Variants in SMAD2 observed in about 807,000 individuals in gnomAD.
The protein encoded by SMAD2 is MAD homolog 2.
SMAD2 carries 8 observed loss-of-function variants against 64.4 expected under a neutral mutation model. The observed-to-expected ratio is 0.12, with a 90% CI of 0.07 to 0.22. The LOEUF (loss-of-function observed/expected upper bound fraction) is 0.22. Among genes scored for constraint, SMAD2 ranks in the 10% least tolerant of loss-of-function variants. SMAD2 has a pLI of 1.00. For synonymous variants in SMAD2, 203 were observed against 195.8 expected, an observed-to-expected ratio of 1.04 and a Z score of -0.31; for missense variants, 289 against 561.2, an observed-to-expected ratio of 0.51 and a Z score of 4.90.
intron 2 of SMAD2, among the ~76,000 whole-genome samples, chr18:47,870,945 T>C (rs1317159793): frequency 6.6e-6 from 1 of 152,216 alleles, no homozygotes; most frequent in Non-Finnish European, 1.5e-5. Flanking sequence ...TAAAAACAGA[T>C]GTCAACTGAT....
At chr18:47,917,153 A>C (rs2034371370) in intron 1 of SMAD2, among the ~76,000 whole-genome samples, 1 of 152,152 alleles carries the variant, frequency 6.6e-6, no homozygotes. Context: ...ATCTTCTGTA[A>C]TTGTTGGGTG....
intron 6 of SMAD2, among the ~76,000 whole-genome samples, chr18:47,855,198 T>C (rs1246586597): frequency 6.6e-6 from 1 of 152,200 alleles, no homozygotes; most frequent in Non-Finnish European, 1.5e-5. Flanking sequence ...CGAAATGACA[T>C]TATTACTTGA....
rs147046715 is a variant in SMAD2 at position 47,882,166 on chromosome 18, A to G, written c.237-11602T>C. Reference sequence around the variant, plus strand: ...CTCCCAAAGTGCTGGGATTAGAGGCATAAGCCATCGCATCTGACCTGATTA... The same window carrying G: ...CTCCCAAAGTGCTGGGATTAGAGGCGTAAGCCATCGCATCTGACCTGATTA... On this transcript the variant is annotated intron_variant, in intron 2 of 10. Coordinates refer to ENST00000262160, the MANE Select transcript of SMAD2 (RefSeq NM_005901.6). Among the ~76,000 whole-genome samples, 217 of 149,302 alleles carry G rather than the reference A, an allele frequency of 1.5e-3. 1 individual carries two copies. Among genetic ancestry groups the G allele is most frequent in the African/African-American group, 4.8e-3 (195 of 40,634 alleles).
rs148935094 is a variant in SMAD2, at chr18:47,849,740, G to A, written c.785-1053C>T. Among the ~76,000 whole-genome samples the A allele has an allele frequency of 7.4e-3, 1,120 of 152,080 alleles. 8 individuals are homozygous for A. The highest frequency in any genetic ancestry group is 0.025 in the African/African-American group (1,053 of 41,468). ...TTTAAAATTTGGGCCCAGCACGATG[G>A]CTCACGCCTGTAATCCCAGCACTTT... is the stretch of plus-strand genomic sequence containing the variant. On this transcript the variant is annotated intron_variant, in intron 7 of 10. Coordinates refer to ENST00000262160, the MANE Select transcript of SMAD2 (RefSeq NM_005901.6).
Position 47,829,994 on chromosome 18 carries a change from T to G in SMAD2, c.*11833A>C, listed in dbSNP as rs1446543193. The G allele has an allele frequency of 6.6e-6, 1 of 152,212 alleles. No homozygotes were observed. Among genetic ancestry groups the G allele is most frequent in the African/African-American group, 2.4e-5 (1 of 41,458 alleles). 9.4% of individuals were successfully genotyped at this position (152,212 alleles called of 1,614,324 possible). A position where few individuals can be genotyped will look rare whatever the true frequency, so the allele number is the denominator to read the frequency against. On this transcript the variant is annotated 3_prime_UTR_variant, in exon 11 of 11. Transcript: ENST00000262160. The stretch of plus-strand genomic sequence containing the variant: ...GCAGCAAATTCCCCCACTGACAACT[T>G]CAAAGCATAGCAAGAATCCACAGTG...
intron 5 of SMAD2, 36 bp from the exon 6 acceptor site, chr18:47,865,169 A>C (rs748490058): frequency 9.3e-7 from 1 of 1,079,844 alleles, no homozygotes; most frequent in Non-Finnish European, 1.4e-6. Flanking sequence ...CACAGCTGCA[A>C]CATAATCTCA....
Position 47,809,206 on chromosome 18 carries a change from G to C in SMAD2, c.*32621C>G, listed in dbSNP as rs1231721523. The C allele has an allele frequency of 6.6e-6, 1 of 152,334 alleles. No individual in the cohort carries two copies. Among genetic ancestry groups the C allele is most frequent in the Non-Finnish European group, 1.5e-5 (1 of 68,126 alleles). 9.4% of individuals were successfully genotyped at this position (152,334 alleles called of 1,614,324 possible). On this transcript the variant is annotated 3_prime_UTR_variant, in exon 11 of 11. Transcript: ENST00000262160. Reference sequence around the variant, plus strand: ...GACGTTCTGTGCCGTTACGGAAAGAGGCAGTCCCTGTACTTGGGGGTCAGA... The same window carrying C: ...GACGTTCTGTGCCGTTACGGAAAGACGCAGTCCCTGTACTTGGGGGTCAGA...
rs563275801 is a variant in SMAD2, at chr18:47,921,195, T to C, written c.-54+9166A>G. ...CAGACACCCATACAAAAGAATATTA[T>C]ACAACCCACTACTCCAAAAAAGAAG... On this transcript the variant is annotated intron_variant, in intron 1 of 10. Coordinates refer to ENST00000262160, the MANE Select transcript of SMAD2 (RefSeq NM_005901.6). 2.0e-5 allele frequency among the ~76,000 whole-genome samples: 3 copies of C among 152,158 alleles called. No individual in the cohort carries two copies. In the South Asian group the frequency reaches 6.2e-4, roughly 32 times the overall value.
intron 2 of SMAD2, among the ~76,000 whole-genome samples, chr18:47,881,370 AT>A (rs1436500919): frequency 1.3e-5 from 2 of 152,038 alleles, no homozygotes; most frequent in Admixed American, 1.3e-4. Context: ...CTATTCATGA[AT>A]TTTCTTAACA....
At position 47,835,005 on chromosome 18, in the gene SMAD2, T is replaced by G. The variant is rs2144260529; in HGVS notation, c.*6822A>C. 1 of 221,860 alleles carries G rather than the reference T, an allele frequency of 4.5e-6. No homozygotes were observed. The highest frequency in any genetic ancestry group is 2.2e-5 in the African/African-American group (1 of 44,828). 13.7% of individuals were successfully genotyped at this position (221,860 alleles called of 1,614,324 possible). On this transcript the variant is annotated 3_prime_UTR_variant, in exon 11 of 11. Coordinates refer to ENST00000262160, the MANE Select transcript of SMAD2 (RefSeq NM_005901.6). ...TTGGGAAAAGATGGCGAAAGGAATA[T>G]TCTCAGATATGAACATTTTTTATTC...
intron 2 of SMAD2, among the ~76,000 whole-genome samples, chr18:47,889,889 C>T (rs1238673854): frequency 6.6e-6 from 1 of 151,904 alleles, no homozygotes; most frequent in Non-Finnish European, 1.5e-5. Context: ...ATATGTTAAA[C>T]AGGACAAGAA....
At chr18:47,845,228 C>A in intron 10 of SMAD2, 112 bp downstream of exon 10, 4 of 1,111,434 alleles carry the variant, frequency 3.6e-6, no homozygotes, top group Middle Eastern at 2.0e-4. Flanking sequence ...TAAAGATCAG[C>A]TGACTCTATA....
intron 3 of SMAD2, 152 bp downstream of exon 3, chr18:47,870,323 T>C (rs2031857595): frequency 1.6e-6 from 1 of 623,926 alleles, no homozygotes; most frequent in South Asian, 2.0e-5. Flanking sequence ...ATATTTTTTA[T>C]ACTGGCAAGC....
At chr18:47,887,365 G>A (rs986175913) in intron 2 of SMAD2, among the ~76,000 whole-genome samples, 1 of 152,180 alleles carries the variant, frequency 6.6e-6, no homozygotes, top group East Asian at 1.9e-4. Flanking sequence ...GAAATAGCAG[G>A]AAGAGGGAGT....
At chr18:47,868,235 A>C in intron 5 of SMAD2, 88 bp downstream of exon 5, 1 of 1,172,436 alleles carries the variant, frequency 8.5e-7, no homozygotes, top group Non-Finnish European at 1.3e-6. Flanking sequence ...TTTTTAAAAA[A>C]GTGAAACCAC....
chr18:47,892,002 T>C (rs1470955121), intron 2 of SMAD2, among the ~76,000 whole-genome samples: 2 of 152,154 alleles, frequency 1.3e-5, no homozygotes, highest in Non-Finnish European at 1.5e-5. Flanking sequence ...GTGTTAACAT[T>C]TTTAGAAGTA....
rs564863723 is a variant in SMAD2 at position 47,841,562 on chromosome 18, T to C, written c.*265A>G. The stretch of plus-strand genomic sequence containing the variant: ...TGTTATTAATAAACCTTTGGGACAC[T>C]CAGTTTTATGCCCAATAAGACATCA... On this transcript the variant is annotated 3_prime_UTR_variant, in exon 11 of 11. Coordinates refer to ENST00000262160, the MANE Select transcript of SMAD2 (RefSeq NM_005901.6). 2.0e-6 allele frequency: 1 copy of C among 507,002 alleles called. No individual in the cohort carries two copies. Among genetic ancestry groups the C allele is most frequent in the African/African-American group, 1.9e-5 (1 of 52,382 alleles). The allele number at this position is 507,002 out of a possible 1,614,324, so 31.4% of individuals were successfully genotyped here.
Position 47,835,785 on chromosome 18 carries a change from A to G in SMAD2, c.*6042T>C, listed in dbSNP as rs1468369527. The G allele has an allele frequency of 5.3e-6, 1 of 189,912 alleles. No individual in the cohort carries two copies. Among genetic ancestry groups the G allele is most frequent in the Admixed American group, 6.2e-5 (1 of 16,226 alleles). The allele number at this position is 189,912 out of a possible 1,614,324, so 11.8% of individuals were successfully genotyped here. ...TTCACTTTTGTCCTTAAATCAATAT[A>G]TTACGGATTTCATTGTTCAATAAAT... is the stretch of plus-strand genomic sequence containing the variant. On this transcript the variant is annotated 3_prime_UTR_variant, in exon 11 of 11. Transcript: ENST00000262160.
chr18:47,911,203 T>G (rs900122026), intron 1 of SMAD2, among the ~76,000 whole-genome samples: 1 of 151,810 alleles, frequency 6.6e-6, no homozygotes, highest in Non-Finnish European at 1.5e-5. Flanking sequence ...ATACAAAAAT[T>G]AGCTGGGCGT....
Sources: gnomAD v4.1 joint callset for allele counts (sites outside exome capture counted in the v4.1 genomes callset) on GRCh38, gnomAD v4.1.1 for gene constraint, MANE v1.5 for transcripts, NCBI Gene and HGNC (gene_info 2026-07-23, HGNC 2026-07-21) for gene names.